The following EPHB2 variants were observed in gnomAD, a reference collection of about 807,000 sequenced individuals.
EPHB2 encodes the protein ephrin type-B receptor 2.
Under a neutral mutation model 96.4 loss-of-function variants are expected in EPHB2, and 18 were observed. The observed-to-expected ratio is 0.19, with a 90% CI of 0.13 to 0.28. The LOEUF (loss-of-function observed/expected upper bound fraction) is 0.28, where lower values mean the gene tolerates loss of function less well. Ranked by LOEUF, EPHB2 falls within the 10% of genes least tolerant of loss-of-function variation. EPHB2 has a pLI of 1.00. For missense variants in EPHB2, 989 were observed against 1,355.4 expected, an observed-to-expected ratio of 0.73 and a Z score of 4.25; for synonymous variants, 506 against 534.1, an observed-to-expected ratio of 0.95 and a Z score of 0.72.
chr1:22,739,372 C>T (rs1317010588), intron 1 of EPHB2, among the ~76,000 whole-genome samples: 3 of 152,122 alleles, frequency 2.0e-5, no homozygotes, highest in Non-Finnish European at 2.9e-5. Flanking sequence ...CATGCCAGCA[C>T]GCCTGGCTAG....
At chr1:22,756,299 G>T (rs1644149002) in intron 1 of EPHB2, among the ~76,000 whole-genome samples, 1 of 152,146 alleles carries the variant, frequency 6.6e-6, no homozygotes, top group South Asian at 2.1e-4. Flanking sequence ...AGGATGGATG[G>T]GGGCAGCGGA....
chr1:22,912,171 G>GTGCCTTCCCTAGACTTTCCCTGCCA (rs1640123632), intron 14 of EPHB2, among the ~76,000 whole-genome samples: 1 of 152,104 alleles, frequency 6.6e-6, no homozygotes, highest in East Asian at 1.9e-4. Context: ...CATCCCTGCA[G>GTGCCTTCCCTAGACTTTCCCTGCCA]TGCCTTCCCT....
chr1:22,823,951 G>C (rs1459625075), intron 3 of EPHB2, among the ~76,000 whole-genome samples: 2 of 152,272 alleles, frequency 1.3e-5, no homozygotes, highest in Non-Finnish European at 2.9e-5. Context: ...TATGTGGAGA[G>C]AAGACCCAGT....
At position 22,819,025 on chromosome 1, in the gene EPHB2, G is replaced by A. The variant is rs1452951671; in HGVS notation, c.811+33949G>A. Reference sequence around the variant, plus strand: ...GGAATTCTTACTTCCTGGCTCACTGGGGGCAGCTAATGAAGTCCTAGTCCC... The same window carrying A: ...GGAATTCTTACTTCCTGGCTCACTGAGGGCAGCTAATGAAGTCCTAGTCCC... On this transcript the variant is annotated intron_variant, in intron 3 of 15. Coordinates refer to ENST00000374630, the MANE Select transcript of EPHB2 (RefSeq NM_017449.5). 4.4e-4 allele frequency among the ~76,000 whole-genome samples: 67 copies of A among 151,236 alleles called. 1 individual carries two copies. The highest frequency in any genetic ancestry group is 3.2e-4 in the Non-Finnish European group (22 of 67,850).
intron 1 of EPHB2, among the ~76,000 whole-genome samples, chr1:22,767,230 C>T (rs554092533): frequency 6.6e-6 from 1 of 152,158 alleles, no homozygotes; most frequent in Non-Finnish European, 1.5e-5. Flanking sequence ...AATTGGAGCC[C>T]AGAGAAGGGG....
chr1:22,857,848 C>T (rs564930828), intron 3 of EPHB2, among the ~76,000 whole-genome samples: 54 of 152,176 alleles, frequency 3.5e-4, no homozygotes, highest in South Asian at 8.3e-4. Flanking sequence ...ACGACCGGCC[C>T]GCGGCTCTGC....
At chr1:22,812,213 C>G (rs915107046) in intron 3 of EPHB2, among the ~76,000 whole-genome samples, 23 of 152,158 alleles carry the variant, frequency 1.5e-4, no homozygotes, top group Non-Finnish European at 1.5e-5. Context: ...AGTCATACCC[C>G]ACTTGTCCTG....
intron 4 of EPHB2, among the ~76,000 whole-genome samples, chr1:22,863,463 T>C (rs972494410): frequency 2.6e-5 from 4 of 152,174 alleles, no homozygotes; most frequent in Non-Finnish European, 5.9e-5. Context: ...GGACAGGGGA[T>C]GGGAGGCTTG....
intron 3 of EPHB2, among the ~76,000 whole-genome samples, chr1:22,798,688 GC>G (rs1419798803): frequency 6.6e-6 from 1 of 152,060 alleles, no homozygotes; most frequent in Non-Finnish European, 1.5e-5. Flanking sequence ...TCCCCGCCCT[GC>G]CACTAGCCAC....
rs534587813 is a variant in EPHB2 at position 22,875,229 on chromosome 1, G to A, written c.1304-7130G>A. On this transcript the variant is annotated intron_variant, in intron 5 of 15. Coordinates refer to ENST00000374630, the MANE Select transcript of EPHB2 (RefSeq NM_017449.5). This position sits in a 1 kb window ranked among gnomAD's most constrained non-coding sequence, Gnocchi z 4.2. Reference sequence around the variant, plus strand: ...CATCCAGAATTGCAGCCAGATCATCGGGGGTTAACTGCGTTGCTACGGGTT... The same window carrying A: ...CATCCAGAATTGCAGCCAGATCATCAGGGGTTAACTGCGTTGCTACGGGTT... 1.3e-5 allele frequency among the ~76,000 whole-genome samples: 2 copies of A among 152,290 alleles called. No homozygotes were observed. Among genetic ancestry groups the A allele is most frequent in the South Asian group, 4.2e-4 (2 of 4,818 alleles).
intron 3 of EPHB2, among the ~76,000 whole-genome samples, chr1:22,841,422 T>G (rs1169188551): frequency 6.6e-6 from 1 of 152,090 alleles, no homozygotes; most frequent in Non-Finnish European, 1.5e-5. Flanking sequence ...GAGGGCTCAG[T>G]GCAAAGGAGG....
intron 2 of EPHB2, among the ~76,000 whole-genome samples, chr1:22,783,138 A>C (rs1223289148): frequency 2.0e-5 from 3 of 152,214 alleles, no homozygotes; most frequent in Admixed American, 1.3e-4. Flanking sequence ...TTGTGTTTCC[A>C]GGCAGCACAG....
At chr1:22,717,241 G>T (rs927486089) in intron 1 of EPHB2, among the ~76,000 whole-genome samples, 1 of 140,766 alleles carries the variant, frequency 7.1e-6, no homozygotes, top group Non-Finnish European at 1.5e-5. Context: ...CCAGGGGTGG[G>T]GCAGCAGGCC....
chr1:22,820,213 C>T (rs780290525), intron 3 of EPHB2, among the ~76,000 whole-genome samples: 4 of 152,020 alleles, frequency 2.6e-5, no homozygotes, highest in Non-Finnish European at 5.9e-5. Flanking sequence ...GGCATTGAAG[C>T]CTCGGTGTTC....
chr1:22,809,772 G>A (rs890777548), intron 3 of EPHB2, among the ~76,000 whole-genome samples: 13 of 152,328 alleles, frequency 8.5e-5, no homozygotes, highest in South Asian at 4.1e-4. Flanking sequence ...CCAAGACTGC[G>A]CGAGGAGCAA....
chr1:22,731,528 A>G (rs962011726), intron 1 of EPHB2, among the ~76,000 whole-genome samples: 1 of 152,220 alleles, frequency 6.6e-6, no homozygotes, highest in Non-Finnish European at 1.5e-5. Context: ...TGGCTGAGAC[A>G]TAGTAAGTTC....
chr1:22,736,658 C>T (rs750227354), intron 1 of EPHB2, among the ~76,000 whole-genome samples: 2 of 152,240 alleles, frequency 1.3e-5, no homozygotes, highest in African/African-American at 4.8e-5. Context: ...CTCCGCAGCG[C>T]GGCATGTTTG....
chr1:22,863,923 C>T lies in EPHB2; in HGVS notation c.967+731C>T, dbSNP rs572485370. The stretch of plus-strand genomic sequence containing the variant: ...CTAATTTTTTGTAGAGACAGGGTCT[C>T]GCTATGTTGCCAAGGCTAGATTTGA... On this transcript the variant is annotated intron_variant, in intron 4 of 15. Coordinates refer to ENST00000374630, the MANE Select transcript of EPHB2 (RefSeq NM_017449.5). 2.6e-5 allele frequency among the ~76,000 whole-genome samples: 4 copies of T among 152,182 alleles called. No homozygotes were observed. The South Asian group carries it at 6.2e-4, about 24-fold the overall frequency.
In EPHB2 at chr1:22,919,357, G is replaced by A. The variant is rs1286730816; in HGVS notation, c.*5787G>A. ...GCTAAGCTTTCAGGAAAATTAGAAAGACCCTCAGACCCAGAGTCTGTCTGA... is the reference window on the plus strand; with the variant it reads ...GCTAAGCTTTCAGGAAAATTAGAAAAACCCTCAGACCCAGAGTCTGTCTGA... On this transcript the variant is annotated 3_prime_UTR_variant, in exon 16 of 16. Coordinates refer to ENST00000374630, the MANE Select transcript of EPHB2 (RefSeq NM_017449.5). 2 of 152,266 alleles carry A rather than the reference G, an allele frequency of 1.3e-5. No individual in the cohort carries two copies. The highest frequency in any genetic ancestry group is 2.9e-5 in the Non-Finnish European group (2 of 68,072). The allele number at this position is 152,266 out of a possible 1,614,324, so 9.4% of individuals were successfully genotyped here. A position where few individuals can be genotyped will look rare whatever the true frequency, so the allele number is the denominator to read the frequency against.
Sources: allele counts gnomAD v4.1 joint callset (sites outside exome capture counted in the v4.1 genomes callset), GRCh38; gene constraint gnomAD v4.1.1; non-coding constraint Gnocchi (gnomAD v3.1); transcripts MANE v1.5; gene names NCBI Gene and HGNC (gene_info 2026-07-23, HGNC 2026-07-21).